ANKRD28: variants seen among roughly 807,000 people sequenced by gnomAD.
ANKRD28 encodes the protein serine/threonine-protein phosphatase 6 regulatory ankyrin repeat subunit A.
Under a neutral mutation model 126.5 loss-of-function variants are expected in ANKRD28, and 44 were observed. The ratio of observed to expected loss-of-function variants is 0.35; its 90% confidence interval spans 0.27 to 0.45. The LOEUF (loss-of-function observed/expected upper bound fraction) is 0.45, where lower values mean the gene tolerates loss of function less well. ANKRD28 is among the 20% of genes least tolerant of loss of function. The probability of loss-of-function intolerance (pLI) is 1.00; values close to 1 mark genes in which losing one functional copy is unlikely to be tolerated. For missense variants in ANKRD28, 1,110 were observed against 1,316.6 expected (o/e 0.84, Z 2.43); for synonymous variants, 442 against 468.5 (o/e 0.94, Z 0.73).
rs1217256315 is a variant in ANKRD28, at chr3:15,690,262, A to T, written c.1762-42T>A. The T allele has an allele frequency of 3.4e-6, 5 of 1,450,564 alleles. No homozygotes were observed. The South Asian group carries it at 5.2e-5, about 15-fold the overall frequency. The allele number at this position is 1,450,564 out of a possible 1,614,324, so 89.9% of individuals were successfully genotyped here. A position where few individuals can be genotyped will look rare whatever the true frequency, so the allele number is the denominator to read the frequency against. The stretch of plus-strand genomic sequence containing the variant: ...ATGTAAATTTAAAACATACATATTT[A>T]GACTGACTTCCTAAATACTTGAATA... On this transcript the variant is annotated intron_variant, in intron 17 of 27. Transcript: ENST00000683139.
chr3:15,800,198 T>C (rs1223454163), upstream of ANKRD28, among the ~76,000 whole-genome samples: 4 of 152,024 alleles, frequency 2.6e-5, no homozygotes, highest in Non-Finnish European at 4.4e-5. Flanking sequence ...TTGACACTTA[T>C]ATAAGAAAAA....
chr3:15,724,162 C>T (rs975140662), intron 7 of ANKRD28, among the ~76,000 whole-genome samples: 2 of 152,238 alleles, frequency 1.3e-5, no homozygotes, highest in Non-Finnish European at 2.9e-5. Flanking sequence ...GGCAATAAAA[C>T]ACCTTTGAAG....
intron 12 of ANKRD28, 38 bp from the exon 13 acceptor site, chr3:15,709,774 A>G (rs1430252700): frequency 7.3e-7 from 1 of 1,372,754 alleles, no homozygotes; most frequent in Non-Finnish European, 1.0e-6. Flanking sequence ...CTTAATTGAC[A>G]GTGATTTTAT....
chr3:15,775,120 A>G (rs557635769), intron 2 of ANKRD28, among the ~76,000 whole-genome samples: 1 of 152,124 alleles, frequency 6.6e-6, no homozygotes, highest in South Asian at 2.1e-4. Context: ...CAAATGATCC[A>G]CCCACCTTGG....
At chr3:15,819,533 C>T (rs1019129525) in intron 1 of ANKRD28, among the ~76,000 whole-genome samples, 1 of 152,064 alleles carries the variant, frequency 6.6e-6, no homozygotes, top group Admixed American at 6.6e-5. Context: ...TAGGTATAAA[C>T]AAAATAATAT....
At chr3:15,712,361 A>C in intron 10 of ANKRD28, 139 bp from the exon 11 acceptor site, 1 of 717,864 alleles carries the variant, frequency 1.4e-6, no homozygotes, top group East Asian at 2.7e-5. Flanking sequence ...TAATTTGGTT[A>C]AAGTTTGATG....
chr3:15,794,783 C>A (rs556850450), intron 2 of ANKRD28, among the ~76,000 whole-genome samples: 24 of 152,242 alleles, frequency 1.6e-4, no homozygotes, highest in African/African-American at 5.5e-4. Flanking sequence ...CAAATCTGAT[C>A]TTATATTTAG....
intron 14 of ANKRD28, among the ~76,000 whole-genome samples, 161 bp from the exon 15 acceptor site, chr3:15,696,406 CTAAAG>C: frequency 6.6e-6 from 1 of 152,162 alleles, no homozygotes; most frequent in South Asian, 2.1e-4. Flanking sequence ...ATGACACTGA[CTAAAG>C]TATCATAAAA....
At chr3:15,721,243 A>C (rs780493686) in intron 7 of ANKRD28, 116 bp from the exon 8 acceptor site, 6 of 821,170 alleles carry the variant, frequency 7.3e-6, no homozygotes, top group Non-Finnish European at 9.9e-6. Context: ...AACGGAGACA[A>C]GATAAGTACA....
chr3:15,851,247 T>G (rs941007153), intron 1 of ANKRD28, among the ~76,000 whole-genome samples: 2 of 152,036 alleles, frequency 1.3e-5, no homozygotes, highest in Non-Finnish European at 2.9e-5. Flanking sequence ...AGATACTACT[T>G]CATGACTGGG....
At chr3:15,772,600 A>T (rs1348643256) in intron 2 of ANKRD28, among the ~76,000 whole-genome samples, 1 of 152,252 alleles carries the variant, frequency 6.6e-6, no homozygotes, top group African/African-American at 2.4e-5. Context: ...AATTCAACAT[A>T]TTAGCAGACT....
intron 6 of ANKRD28, among the ~76,000 whole-genome samples, chr3:15,725,535 G>T (rs778260748): frequency 2.0e-5 from 3 of 151,986 alleles, no homozygotes; most frequent in African/African-American, 7.3e-5. Flanking sequence ...CTTAAAAATT[G>T]AAAGTTTGTG....
At chr3:15,684,509 T>C (rs532033572) in intron 21 of ANKRD28, 1 of 152,324 alleles carries the variant, frequency 6.6e-6, no homozygotes, top group East Asian at 1.9e-4. Context: ...AAAACATACA[T>C]AGATTTCAGT....
At chr3:15,735,197 A>C (rs1052839579) in intron 6 of ANKRD28, among the ~76,000 whole-genome samples, 5 of 152,000 alleles carry the variant, frequency 3.3e-5, no homozygotes, top group African/African-American at 1.2e-4. Context: ...TTAAGGGTAA[A>C]TGGAATTAAT....
intron 3 of ANKRD28, among the ~76,000 whole-genome samples, chr3:15,758,611 A>C (rs777163525): frequency 6.6e-6 from 1 of 152,220 alleles, no homozygotes. Context: ...GGGAGAAGAC[A>C]GCGATTTTGC....
chr3:15,729,865 T>C (rs2455848), intron 6 of ANKRD28, among the ~76,000 whole-genome samples: 108,802 of 152,056 alleles, frequency 0.72, 39,129 homozygotes, highest in East Asian at 0.93. Flanking sequence ...AATAATGCAA[T>C]GAGGTGTTAA....
chr3:15,677,669 CA>C lies in ANKRD28; in HGVS notation c.2708-108del, dbSNP rs2067084664. On this transcript the variant is annotated intron_variant, in intron 24 of 27. Coordinates refer to ENST00000683139, the MANE Select transcript of ANKRD28 (RefSeq NM_001349278.2). Reference sequence around the variant, plus strand: ...ATACAAAGCAAAAAAGTCCCTCTCACAAAAACTTAAGTACAAGAAAAATATT... The same window carrying C: ...ATACAAAGCAAAAAAGTCCCTCTCACAAAACTTAAGTACAAGAAAAATATT... 3 of 694,906 alleles carry C rather than the reference CA, an allele frequency of 4.3e-6. No homozygotes were observed. In the African/African-American group the frequency reaches 5.4e-5, roughly 12 times the overall value. The allele number at this position is 694,906 out of a possible 1,614,324, so 43.0% of individuals were successfully genotyped here.
At chr3:15,810,278 A>AAAAAAAAC (rs2125881590) in intron 1 of ANKRD28, among the ~76,000 whole-genome samples, 1 of 152,268 alleles carries the variant, frequency 6.6e-6, no homozygotes, top group East Asian at 1.9e-4. Context: ...TGGGAGAAAA[A>AAAAAAAAC]AAAAAAACTT....
intron 6 of ANKRD28, among the ~76,000 whole-genome samples, chr3:15,727,335 G>C (rs1204219753): frequency 6.6e-6 from 1 of 151,970 alleles, no homozygotes; most frequent in African/African-American, 2.4e-5. Context: ...CCAGCACTTT[G>C]GGAGGCCAAT....
Sources: allele counts gnomAD v4.1 joint callset (sites outside exome capture counted in the v4.1 genomes callset), GRCh38; gene constraint gnomAD v4.1.1; transcripts MANE v1.5; gene names NCBI Gene and HGNC (gene_info 2026-07-23, HGNC 2026-07-21).